RAB3C: variants seen among roughly 807,000 people sequenced by gnomAD.
RAB3C encodes the protein RAB3C, member RAS oncogene family, also known as ras-related protein Rab-3C.
A neutral mutation model predicts 26.4 loss-of-function variants in RAB3C; 17 were observed. That is an observed-to-expected ratio of 0.64 (90% CI 0.44 to 0.97). The LOEUF (loss-of-function observed/expected upper bound fraction) is 0.97, where lower values mean the gene tolerates loss of function less well. Among genes scored for constraint, RAB3C ranks in the 50% least tolerant of loss-of-function variants. The pLI is 0.00. For missense variants in RAB3C, 242 were observed against 281.9 expected (o/e 0.86, Z 1.01); for synonymous variants, 91 against 95.9 (o/e 0.95, Z 0.30).
chr5:58,652,967 A>T (rs1432305867), intron 2 of RAB3C, among the ~76,000 whole-genome samples: 3 of 152,164 alleles, frequency 2.0e-5, no homozygotes, highest in African/African-American at 7.2e-5. Context: ...TTAGGGAAAA[A>T]AAAGCTATTT....
chr5:58,838,688 A>G (rs531536540), intron 4 of RAB3C, among the ~76,000 whole-genome samples: 13 of 152,310 alleles, frequency 8.5e-5, no homozygotes, highest in African/African-American at 3.1e-4. Flanking sequence ...GAGATGTTCT[A>G]TCAATGTCTG....
Position 58,853,906 on chromosome 5 carries a change from G to T in RAB3C, c.*2555G>T, listed in dbSNP as rs913979368. The T allele has an allele frequency of 1.3e-5, 2 of 152,034 alleles. No individual in the cohort carries two copies. The highest frequency in any genetic ancestry group is 1.5e-5 in the Non-Finnish European group (1 of 67,998). 9.4% of individuals were successfully genotyped at this position (152,034 alleles called of 1,614,324 possible). A position where few individuals can be genotyped will look rare whatever the true frequency, so the allele number is the denominator to read the frequency against. ...CTGCTGTAATTGCATCAAAAAATCCGGGTTTTAACATCAAATTTGGCAAAT... is the reference window on the plus strand; with the variant it reads ...CTGCTGTAATTGCATCAAAAAATCCTGGTTTTAACATCAAATTTGGCAAAT... On this transcript the variant is annotated 3_prime_UTR_variant, in exon 5 of 5. Coordinates refer to ENST00000282878, the MANE Select transcript of RAB3C (RefSeq NM_138453.4).
At chr5:58,743,492 C>T (rs1049926831) in intron 3 of RAB3C, among the ~76,000 whole-genome samples, 3 of 151,978 alleles carry the variant, frequency 2.0e-5, no homozygotes, top group Non-Finnish European at 4.4e-5. Flanking sequence ...GTTTGCTGCA[C>T]CCATCAACCC....
chr5:58,750,478 T>C (rs916589646), intron 3 of RAB3C, among the ~76,000 whole-genome samples: 1 of 152,130 alleles, frequency 6.6e-6, no homozygotes, highest in African/African-American at 2.4e-5. Flanking sequence ...GTAACTCTGC[T>C]TAAGAATCAG....
At chr5:58,847,612 A>G (rs1337439861) in intron 4 of RAB3C, among the ~76,000 whole-genome samples, 3 of 152,194 alleles carry the variant, frequency 2.0e-5, no homozygotes, top group African/African-American at 4.8e-5. Flanking sequence ...ACCCATGGGC[A>G]CACACAGTTG....
intron 2 of RAB3C, among the ~76,000 whole-genome samples, chr5:58,705,556 A>G (rs1452998745): frequency 6.6e-6 from 1 of 152,198 alleles, no homozygotes; most frequent in Non-Finnish European, 1.5e-5. Context: ...CAAGATAAAC[A>G]TGTGTTTCAG....
chr5:58,764,033 T>C (rs1035391), intron 3 of RAB3C, among the ~76,000 whole-genome samples: 51,670 of 151,990 alleles, frequency 0.34, 8,967 homozygotes, highest in South Asian at 0.43. Flanking sequence ...TTATTTTCTT[T>C]AAAAAATAGA....
chr5:58,680,750 C>T (rs76869942), intron 2 of RAB3C, among the ~76,000 whole-genome samples: 2,814 of 152,196 alleles, frequency 0.018, 69 homozygotes, highest in African/African-American at 0.064. Context: ...TCTGACCTTC[C>T]GGTATCCTTC....
intron 3 of RAB3C, among the ~76,000 whole-genome samples, chr5:58,751,920 G>T (rs756113107): frequency 7.2e-5 from 11 of 152,118 alleles, no homozygotes; most frequent in Admixed American, 2.0e-4. Context: ...AAAAGCAAGG[G>T]CAGAGTTCAG....
intron 3 of RAB3C, among the ~76,000 whole-genome samples, chr5:58,796,408 A>G (rs185365664): frequency 1.2e-4 from 18 of 152,258 alleles, no homozygotes; most frequent in African/African-American, 3.9e-4. Flanking sequence ...CAGCTATAAC[A>G]TGGAGGTTAT....
At chr5:58,708,251 A>G (rs1479895738) in intron 2 of RAB3C, among the ~76,000 whole-genome samples, 1 of 152,110 alleles carries the variant, frequency 6.6e-6, no homozygotes, top group African/African-American at 2.4e-5. Context: ...CGGGCTCCCA[A>G]AGTGCTAGGA....
intron 2 of RAB3C, among the ~76,000 whole-genome samples, chr5:58,690,816 G>A (rs10077599): frequency 0.12 from 18,394 of 152,066 alleles, 1,435 homozygotes; most frequent in Non-Finnish European, 0.17. Flanking sequence ...TGTATAGTTA[G>A]GTGGAGATCA....
intron 4 of RAB3C, among the ~76,000 whole-genome samples, chr5:58,841,108 G>C (rs559049806): frequency 6.6e-6 from 1 of 152,304 alleles, no homozygotes; most frequent in East Asian, 1.9e-4. Flanking sequence ...TGTCTGCAGG[G>C]GGCAGGGGGC....
intron 1 of RAB3C, among the ~76,000 whole-genome samples, chr5:58,597,056 A>T (rs1221231536): frequency 8.8e-5 from 8 of 90,476 alleles, no homozygotes; most frequent in Non-Finnish European, 1.5e-4. Context: ...AATATATATA[A>T]TACATAATAT....
intron 2 of RAB3C, among the ~76,000 whole-genome samples, chr5:58,724,553 G>T (rs941897514): frequency 6.6e-6 from 1 of 151,582 alleles, no homozygotes; most frequent in Non-Finnish European, 1.5e-5. Flanking sequence ...ATACTCCTCT[G>T]ATCTTAAACT....
At chr5:58,589,324 G>T (rs1746079283) in intron 1 of RAB3C, among the ~76,000 whole-genome samples, 1 of 151,898 alleles carries the variant, frequency 6.6e-6, no homozygotes, top group Non-Finnish European at 1.5e-5. Context: ...ATTATATTTT[G>T]TTAAGTATTT....
intron 3 of RAB3C, among the ~76,000 whole-genome samples, chr5:58,791,022 T>A (rs887830379): frequency 6.6e-6 from 1 of 150,810 alleles, no homozygotes; most frequent in East Asian, 1.9e-4. Context: ...AGAGCTGAGA[T>A]CAAAGTTATG....
At chr5:58,750,279 T>A (rs1161777356) in intron 3 of RAB3C, among the ~76,000 whole-genome samples, 2 of 152,230 alleles carry the variant, frequency 1.3e-5, no homozygotes, top group Non-Finnish European at 2.9e-5. Flanking sequence ...CAAGAAGGAT[T>A]TGAGAGGTTT....
At chr5:58,800,341 T>C (rs1044392104) in intron 3 of RAB3C, among the ~76,000 whole-genome samples, 1 of 152,174 alleles carries the variant, frequency 6.6e-6, no homozygotes, top group East Asian at 1.9e-4. Flanking sequence ...TGGAAAGTGA[T>C]TTAGGCAGGC....
Sources: allele counts gnomAD v4.1 joint callset (sites outside exome capture counted in the v4.1 genomes callset), GRCh38; gene constraint gnomAD v4.1.1; transcripts MANE v1.5; gene names NCBI Gene and HGNC (gene_info 2026-07-23, HGNC 2026-07-21).